DGKI: variants seen among roughly 807,000 people sequenced by gnomAD.
DGKI encodes the protein diacylglycerol kinase iota.
In DGKI, 55 loss-of-function variants were observed where a neutral mutation model predicts 147.5. The ratio of observed to expected loss-of-function variants is 0.37; its 90% CI spans 0.30 to 0.47. The LOEUF (loss-of-function observed/expected upper bound fraction) is 0.47. Among genes scored for constraint, DGKI ranks in the 20% least tolerant of loss-of-function variants. The pLI, the probability that DGKI is intolerant of heterozygous loss-of-function variation, is 1.00. For synonymous variants in DGKI, 469 were observed against 477.1 expected (o/e 0.98, Z 0.22); for missense variants, 1,007 against 1,323.8 (o/e 0.76, Z 3.71).
At chr7:137,470,437 T>C (rs1351056055) in intron 23 of DGKI, among the ~76,000 whole-genome samples, 7 of 152,248 alleles carry the variant, frequency 4.6e-5, no homozygotes, top group African/African-American at 7.2e-5. Flanking sequence ...CTTTCTCCTT[T>C]GAACTTTATT....
rs540493366 is a variant in DGKI, at chr7:137,561,205, A to T, written c.1948-8637T>A. Among the ~76,000 whole-genome samples, 121 of 152,324 alleles carry T rather than the reference A, an allele frequency of 7.9e-4. 1 individual carries two copies. The highest frequency in any genetic ancestry group is 2.5e-3 in the African/African-American group (106 of 41,576). ...TCCAACAACAAAAAATAAAAAAAAA[A>T]ATGTAGTATGTATACACAATGGAAT... On this transcript the variant is annotated intron_variant, in intron 19 of 32. Transcript: ENST00000614521.
intron 5 of DGKI, among the ~76,000 whole-genome samples, chr7:137,651,134 G>A (rs1822013109): frequency 2.6e-5 from 4 of 152,122 alleles, no homozygotes; most frequent in Admixed American, 2.6e-4. Context: ...TGTGGTTTTT[G>A]TCATTACTTT....
At chr7:137,436,913 A>G (rs920433381) in intron 28 of DGKI, among the ~76,000 whole-genome samples, 7 of 152,204 alleles carry the variant, frequency 4.6e-5, no homozygotes, top group African/African-American at 1.7e-4. Context: ...ATCTCTCAAG[A>G]TGAAGAAAAG....
intron 1 of DGKI, among the ~76,000 whole-genome samples, chr7:137,692,009 A>C (rs1823631989): frequency 6.6e-6 from 1 of 152,048 alleles, no homozygotes; most frequent in South Asian, 2.1e-4. Context: ...ATGATGACAC[A>C]ATATTCTCGT....
chr7:137,540,150 T>C (rs1817640801), intron 20 of DGKI, among the ~76,000 whole-genome samples: 1 of 152,194 alleles, frequency 6.6e-6, no homozygotes, highest in African/African-American at 2.4e-5. Flanking sequence ...ATTGGTAAAT[T>C]CTAACAAACA....
intron 1 of DGKI, among the ~76,000 whole-genome samples, chr7:137,806,982 G>C (rs561324349): frequency 2.6e-5 from 4 of 152,330 alleles, no homozygotes; most frequent in Admixed American, 1.3e-4. Context: ...CATCCACTAT[G>C]AGCCCTCGAA....
chr7:137,780,629 A>G (rs1796490471), intron 1 of DGKI, among the ~76,000 whole-genome samples: 1 of 152,244 alleles, frequency 6.6e-6, no homozygotes, highest in African/African-American at 2.4e-5. Context: ...TCCTTCTGCA[A>G]CTAGTCAGAA....
At chr7:137,470,620 T>C (rs956883275) in intron 23 of DGKI, among the ~76,000 whole-genome samples, 2 of 152,038 alleles carry the variant, frequency 1.3e-5, no homozygotes, top group East Asian at 3.9e-4. Flanking sequence ...CAGGCTGGAG[T>C]GCAGTGGTGT....
chr7:137,609,130 G>A (rs1032235168), intron 9 of DGKI, 66 bp from the exon 10 acceptor site: 1 of 1,349,604 alleles, frequency 7.4e-7, no homozygotes, highest in East Asian at 2.3e-5. Context: ...CCAAGGCAAG[G>A]GAGGTGGAAA....
intron 23 of DGKI, among the ~76,000 whole-genome samples, chr7:137,471,961 T>TA (rs1814916076): frequency 7.7e-6 from 1 of 129,630 alleles, no homozygotes; most frequent in Non-Finnish European, 1.5e-5. Context: ...ATATATTATA[T>TA]ATTATATACA....
chr7:137,696,874 C>T (rs1233600708), intron 1 of DGKI, among the ~76,000 whole-genome samples: 1 of 151,938 alleles, frequency 6.6e-6, no homozygotes, highest in Admixed American at 6.6e-5. Flanking sequence ...TAGGACAGGC[C>T]CCTAACCTAA....
At chr7:137,543,279 T>C (rs1817761653) in intron 20 of DGKI, among the ~76,000 whole-genome samples, 1 of 152,222 alleles carries the variant, frequency 6.6e-6, no homozygotes, top group Non-Finnish European at 1.5e-5. Context: ...TAACTTGCAC[T>C]ATACAAGATT....
chr7:137,410,755 AG>A (rs1275826103), intron 29 of DGKI, among the ~76,000 whole-genome samples: 1 of 152,250 alleles, frequency 6.6e-6, no homozygotes, highest in Non-Finnish European at 1.5e-5. Context: ...CACCAAGGGC[AG>A]GAATCAATTT....
chr7:137,646,354 T>C (rs961972487), intron 5 of DGKI, among the ~76,000 whole-genome samples: 2 of 152,228 alleles, frequency 1.3e-5, no homozygotes, highest in Non-Finnish European at 2.9e-5. Flanking sequence ...AATGATGTTT[T>C]TGCAATGGTA....
chr7:137,567,799 T>C (rs1226962484), intron 19 of DGKI, among the ~76,000 whole-genome samples: 1 of 152,222 alleles, frequency 6.6e-6, no homozygotes, highest in Non-Finnish European at 1.5e-5. Context: ...TGTGGTTGTG[T>C]TTATAAAAGA....
At chr7:137,532,147 G>C (rs1303261869) in intron 20 of DGKI, among the ~76,000 whole-genome samples, 1 of 152,042 alleles carries the variant, frequency 6.6e-6, no homozygotes, top group African/African-American at 2.4e-5. Flanking sequence ...TCTTAAAATG[G>C]GGAAATCACA....
intron 1 of DGKI, among the ~76,000 whole-genome samples, chr7:137,806,130 A>G (rs932595575): frequency 6.6e-6 from 1 of 152,172 alleles, no homozygotes; most frequent in African/African-American, 2.4e-5. Flanking sequence ...TGTTTGGTAG[A>G]TGAAGGTCCC....
At chr7:137,597,783 G>T in intron 12 of DGKI, 64 bp downstream of exon 12, 1 of 1,477,360 alleles carries the variant, frequency 6.8e-7, no homozygotes, top group Non-Finnish European at 9.4e-7. Context: ...AAAAAGAAGT[G>T]CCACAAGAAA....
intron 1 of DGKI, among the ~76,000 whole-genome samples, chr7:137,765,476 G>A (rs1046805371): frequency 2.0e-5 from 3 of 152,082 alleles, no homozygotes; most frequent in African/African-American, 4.8e-5. Context: ...CACACTTCTT[G>A]TGCCCTCTTC....
Sources: allele counts gnomAD v4.1 joint callset (sites outside exome capture counted in the v4.1 genomes callset), GRCh38; gene constraint gnomAD v4.1.1; transcripts MANE v1.5; gene names NCBI Gene and HGNC (gene_info 2026-07-23, HGNC 2026-07-21).